The following DDX55 variants were observed in gnomAD, a reference collection of about 807,000 sequenced individuals.
DDX55 encodes DEAD-box helicase 55, also known as ATP-dependent RNA helicase DDX55.
A neutral mutation model predicts 69.2 loss-of-function variants in DDX55; 56 were observed. The observed-to-expected ratio is 0.81, with a 90% CI of 0.65 to 1.01. The LOEUF is 1.01. Among genes scored for constraint, DDX55 ranks in the 50% least tolerant of loss-of-function variants. The pLI, the probability that DDX55 is intolerant of heterozygous loss-of-function variation, is 0.00. For missense variants in DDX55, 720 were observed against 745.1 expected (o/e 0.97, Z 0.39); for synonymous variants, 268 against 273.1 (o/e 0.98, Z 0.18).
At chr12:123,608,605 C>G (rs929298982) in intron 5 of DDX55, 75 bp from the exon 6 acceptor site, 1 of 1,557,806 alleles carries the variant, frequency 6.4e-7, no homozygotes, top group Non-Finnish European at 8.7e-7. Flanking sequence ...GGATATAAAA[C>G]TTGGTATTTT....
At chr12:123,607,869 T>C in intron 5 of DDX55, 1 of 648,712 alleles carries the variant, frequency 1.5e-6, no homozygotes, top group Non-Finnish European at 2.6e-6. Flanking sequence ...CTCAGGTTCT[T>C]ACAGAGGTCA....
At chr12:123,616,446 A>T in intron 9 of DDX55, 65 bp from the exon 10 acceptor site, 1 of 1,410,932 alleles carries the variant, frequency 7.1e-7, no homozygotes, top group Non-Finnish European at 1.0e-6. Context: ...CGAGATCAGT[A>T]GGCTGTTTGA....
At position 123,607,884 on chromosome 12, in the gene DDX55, A is replaced by G. The variant is rs530313129; in HGVS notation, c.401+222A>G. On this transcript the variant is annotated intron_variant, in intron 5 of 13. Transcript: ENST00000238146. ...CTCAGGTTCTTACAGAGGTCAAGAGAACGACGTGAAGATAAATGAGTGGTC... is the reference window on the plus strand; with the variant it reads ...CTCAGGTTCTTACAGAGGTCAAGAGGACGACGTGAAGATAAATGAGTGGTC... 70 of 605,014 alleles carry G rather than the reference A, an allele frequency of 1.2e-4. 1 individual carries two copies. In the South Asian group the frequency reaches 1.4e-3, roughly 12 times the overall value. The allele number at this position is 605,014 out of a possible 1,614,324, so 37.5% of individuals were successfully genotyped here.
In DDX55 at chr12:123,607,469, CCATT is replaced by C; in HGVS notation, c.287_290del (p.Ile96LysfsTer2). On this transcript the variant is annotated frameshift_variant, in exon 4 of 14. Coordinates refer to ENST00000238146, the MANE Select transcript of DDX55 (RefSeq NM_020936.3). LOFTEE classifies it high-confidence loss of function. ...ATCATCACCCCCACTCGAGAGCTGG[CCATT>C]CAAATAGACGAGGTCCTGTCGCATT... 1 of 1,614,138 alleles carries C rather than the reference CCATT, an allele frequency of 6.2e-7. No individual in the cohort carries two copies.
intron 12 of DDX55, 63 bp from the exon 13 acceptor site, chr12:123,619,369 A>G: frequency 6.5e-7 from 1 of 1,533,468 alleles, no homozygotes; most frequent in Non-Finnish European, 8.7e-7. Flanking sequence ...ATTATATTGT[A>G]AGCCATTACT....
chr12:123,619,931 A>G, intron 13 of DDX55, 33 bp from the exon 14 acceptor site: 1 of 1,590,144 alleles, frequency 6.3e-7, no homozygotes, highest in Non-Finnish European at 8.5e-7. Context: ...TTGCTGAAAA[A>G]TTTAGTAGTT....
chr12:123,605,619 A>G (rs1201594759), intron 1 of DDX55: 1 of 450,242 alleles, frequency 2.2e-6, no homozygotes, highest in Admixed American at 3.4e-5. Context: ...TGATTCTGTG[A>G]TACTAGAGCT....
intron 5 of DDX55, 199 bp downstream of exon 5, chr12:123,607,861 C>G (rs1953988199): frequency 1.5e-6 from 1 of 659,964 alleles, no homozygotes; most frequent in African/African-American, 1.8e-5. Context: ...TTCACAAACT[C>G]AGGTTCTTAC....
intron 1 of DDX55, among the ~76,000 whole-genome samples, chr12:123,604,084 G>A (rs1409493738): frequency 6.6e-6 from 1 of 152,114 alleles, no homozygotes; most frequent in Non-Finnish European, 1.5e-5. Context: ...ACAGGAGTGA[G>A]CCACTGCGCC....
In DDX55 at chr12:123,620,576, CATATTATATAT is replaced by C. The variant is rs1284247917; in HGVS notation, c.*441_*451del. 1.7e-5 allele frequency: 1 copy of C among 59,646 alleles called. No individual in the cohort carries two copies. Among genetic ancestry groups the C allele is most frequent in the African/African-American group, 6.2e-5 (1 of 16,146 alleles). 3.7% of individuals were successfully genotyped at this position (59,646 alleles called of 1,614,324 possible). A position where few individuals can be genotyped will look rare whatever the true frequency, so the allele number is the denominator to read the frequency against. The stretch of plus-strand genomic sequence containing the variant: ...GATGGGTCACATATAGACATATGTA[CATATTATATAT>C]ATATATATATATATATATATATATA... On this transcript the variant is annotated 3_prime_UTR_variant, in exon 14 of 14. Coordinates refer to ENST00000238146, the MANE Select transcript of DDX55 (RefSeq NM_020936.3).
intron 12 of DDX55, 105 bp downstream of exon 12, chr12:123,618,942 G>A (rs1338203571): frequency 1.3e-6 from 2 of 1,499,832 alleles, no homozygotes; most frequent in Non-Finnish European, 1.8e-6. Flanking sequence ...CCCAGGTTTT[G>A]AGTAGACACA....
chr12:123,619,224 C>T (rs1438717959), intron 12 of DDX55, among the ~76,000 whole-genome samples: 3 of 152,270 alleles, frequency 2.0e-5, no homozygotes, highest in East Asian at 1.9e-4. Flanking sequence ...AGGATGGTCT[C>T]GATCTCCTGA....
In DDX55 at chr12:123,616,547, A is replaced by C; in HGVS notation, c.993A>C (p.Gly331=). The part of the protein sequence containing the change: ...ILVCTDVMAR[G]IDIPEVNWVL... ...TGTGCACTGATGTGATGGCCCGGGG[A>C]ATTGATATTCCTGAAGTCAACTGGG... Residue 331 remains glycine (G), a synonymous_variant, in exon 10 of 14, where the codon GGA becomes GGC. Transcript: ENST00000238146. 1 of 1,613,930 alleles carries C rather than the reference A, an allele frequency of 6.2e-7. No homozygotes were observed. The highest frequency in any genetic ancestry group is 8.5e-7 in the Non-Finnish European group (1 of 1,179,968).
intron 7 of DDX55, among the ~76,000 whole-genome samples, chr12:123,612,789 C>T (rs1954351254): frequency 6.7e-6 from 1 of 149,452 alleles, no homozygotes; most frequent in South Asian, 2.1e-4. Flanking sequence ...GAGTTCGATA[C>T]CAGTCTGGGC....
chr12:123,617,995 C>T, intron 11 of DDX55, 123 bp downstream of exon 11: 1 of 838,064 alleles, frequency 1.2e-6, no homozygotes, highest in Non-Finnish European at 1.9e-6. Context: ...CTGGTGGTGG[C>T]AGTGGGGGGC....
Position 123,620,085 on chromosome 12 carries a change from A to T in DDX55, c.1748A>T (p.Lys583Ile). ...GAGAAGGGCTTGTTGACAACTGGCA[A>T]AAGAACAATCAAGACAGTGGATTTA... ...EFEKGLLTTG[K>I]RTIKTVDLGI... The change falls in exon 14 of 14, where the codon AAA (lysine) becomes ATA (isoleucine). Residue 583 changes from lysine to isoleucine, a missense_variant. Physicochemically the swap from Lys to Ile is moderately radical, Grantham distance 102. Transcript: ENST00000238146. 6.2e-7 allele frequency: 1 copy of T among 1,614,204 alleles called. No homozygotes were observed. The highest frequency in any genetic ancestry group is 8.5e-7 in the Non-Finnish European group (1 of 1,180,038).
At chr12:123,607,851 T>C in intron 5 of DDX55, 189 bp downstream of exon 5, 1 of 701,388 alleles carries the variant, frequency 1.4e-6, no homozygotes, top group Non-Finnish European at 2.4e-6. Context: ...TGATGAGAAC[T>C]TCACAAACTC....
intron 7 of DDX55, among the ~76,000 whole-genome samples, chr12:123,610,605 C>CTTTTTTT (rs35576014): frequency 1.2e-4 from 11 of 90,040 alleles, no homozygotes; most frequent in Non-Finnish European, 1.3e-4. Flanking sequence ...TGCTGAGTTT[C>CTTTTTTT]TTTTTTTTTT....
At chr12:123,613,085 A>G in intron 7 of DDX55, 85 bp from the exon 8 acceptor site, 2 of 1,441,830 alleles carry the variant, frequency 1.4e-6, no homozygotes, top group African/African-American at 1.4e-5. Flanking sequence ...GACATTCCTT[A>G]AAATTTAATG....
Sources: gnomAD v4.1 joint callset for allele counts (sites outside exome capture counted in the v4.1 genomes callset) on GRCh38, gnomAD v4.1.1 for gene constraint, MANE v1.5 for transcripts, NCBI Gene and HGNC (gene_info 2026-07-23, HGNC 2026-07-21) for gene names.